FMNL2: variants seen among roughly 807,000 people sequenced by gnomAD.
FMNL2 encodes formin like 2.
A neutral mutation model predicts 130.2 loss-of-function variants in FMNL2; 51 were observed. That is an observed-to-expected ratio of 0.39 (90% CI 0.31 to 0.49). The LOEUF (loss-of-function observed/expected upper bound fraction) is 0.49. Ranked by LOEUF, FMNL2 falls within the 20% of genes least tolerant of loss-of-function variation. FMNL2 has a pLI of 0.85. For synonymous variants in FMNL2, 465 were observed against 467.1 expected, an observed-to-expected ratio of 1.00 and a Z score of 0.06; for missense variants, 977 against 1,316.2, an observed-to-expected ratio of 0.74 and a Z score of 3.99.
chr2:152,540,789 T>C (rs899276781), intron 2 of FMNL2, among the ~76,000 whole-genome samples: 2 of 152,020 alleles, frequency 1.3e-5, no homozygotes, highest in African/African-American at 4.8e-5. Flanking sequence ...CACGTATACA[T>C]ATGTAACTAA....
chr2:152,498,545 A>C (rs1442512903), intron 1 of FMNL2, among the ~76,000 whole-genome samples: 1 of 152,146 alleles, frequency 6.6e-6, no homozygotes, highest in Non-Finnish European at 1.5e-5. Flanking sequence ...CCATGAACTC[A>C]GTCAAATTTC....
intron 7 of FMNL2, among the ~76,000 whole-genome samples, chr2:152,575,560 T>C (rs1171382061): frequency 6.6e-6 from 1 of 152,216 alleles, no homozygotes; most frequent in African/African-American, 2.4e-5. Flanking sequence ...AAGGCCTGGT[T>C]CATCCTAATT....
intron 2 of FMNL2, among the ~76,000 whole-genome samples, chr2:152,533,764 G>T (rs965440684): frequency 1.3e-5 from 2 of 151,774 alleles, no homozygotes; most frequent in African/African-American, 2.4e-5. Context: ...TATTGATTTA[G>T]GTGTTTTTAA....
chr2:152,532,761 C>T (rs867780167), intron 2 of FMNL2, among the ~76,000 whole-genome samples: 51 of 152,084 alleles, frequency 3.4e-4, no homozygotes, highest in African/African-American at 1.2e-3. Context: ...GCATGCACCA[C>T]CATGCCCAGC....
At chr2:152,349,674 A>G (rs1474646860) in intron 1 of FMNL2, among the ~76,000 whole-genome samples, 4 of 152,216 alleles carry the variant, frequency 2.6e-5, no homozygotes, top group African/African-American at 9.6e-5. Flanking sequence ...ACAAGCAACA[A>G]TAAGCAACCC....
At chr2:152,514,189 GA>G (rs1237295016) in intron 1 of FMNL2, among the ~76,000 whole-genome samples, 4 of 152,102 alleles carry the variant, frequency 2.6e-5, no homozygotes, top group African/African-American at 9.7e-5. Flanking sequence ...ATGGTATAAG[GA>G]AAAATGTCAA....
chr2:152,645,845 C>T (rs1683506200), intron 25 of FMNL2, among the ~76,000 whole-genome samples: 1 of 152,140 alleles, frequency 6.6e-6, no homozygotes, highest in African/African-American at 2.4e-5. Flanking sequence ...GAAAGCAGGT[C>T]CTGGCCAGGT....
chr2:152,504,628 C>G (rs1692052177), intron 1 of FMNL2, among the ~76,000 whole-genome samples: 1 of 152,060 alleles, frequency 6.6e-6, no homozygotes, highest in South Asian at 2.1e-4. Flanking sequence ...TATTCATGCT[C>G]AAAATTTTGA....
At chr2:152,623,872 C>T (rs1336104955) in intron 15 of FMNL2, among the ~76,000 whole-genome samples, 1 of 151,810 alleles carries the variant, frequency 6.6e-6, no homozygotes, top group Non-Finnish European at 1.5e-5. Flanking sequence ...CCCATAGTCC[C>T]TTAAAGATAC....
intron 1 of FMNL2, among the ~76,000 whole-genome samples, chr2:152,398,124 C>T (rs553051889): frequency 2.6e-5 from 4 of 151,842 alleles, no homozygotes; most frequent in Non-Finnish European, 4.4e-5. Flanking sequence ...GACTCCATCT[C>T]GAAAAAAAAT....
chr2:152,581,064 A>G lies in FMNL2; in HGVS notation c.876+15A>G, dbSNP rs750490024. ...ACTTTAAAGAGGTAGGCTACACTAT[A>G]GTTTTCATAAGAATACTCACACATC... On this transcript the variant is annotated intron_variant, in intron 9 of 25. Transcript: ENST00000288670. The G allele has an allele frequency of 1.2e-6, 2 of 1,601,880 alleles. No individual in the cohort carries two copies. The highest frequency in any genetic ancestry group is 1.7e-6 in the Non-Finnish European group (2 of 1,171,148).
intron 1 of FMNL2, among the ~76,000 whole-genome samples, chr2:152,360,334 C>T (rs1356012915): frequency 6.6e-6 from 1 of 151,478 alleles, no homozygotes; most frequent in Non-Finnish European, 1.5e-5. Context: ...CTCTTCTCTT[C>T]TCTTCTTTTT....
intron 1 of FMNL2, among the ~76,000 whole-genome samples, chr2:152,416,302 G>A (rs1017655425): frequency 6.6e-6 from 1 of 152,196 alleles, no homozygotes; most frequent in South Asian, 2.1e-4. Flanking sequence ...GGCAGGGAGT[G>A]TGGTGTACTT....
intron 9 of FMNL2, among the ~76,000 whole-genome samples, chr2:152,581,592 C>T (rs145682259): frequency 1.5e-3 from 225 of 152,190 alleles, no homozygotes; most frequent in Non-Finnish European, 2.7e-3. Context: ...GACAATATGA[C>T]GCCGCGGGCC....
chr2:152,522,095 G>GT (rs1480656547), intron 2 of FMNL2, 69 bp downstream of exon 2: 23 of 1,264,296 alleles, frequency 1.8e-5, no homozygotes, highest in Non-Finnish European at 2.5e-5. Flanking sequence ...GAATTTTATG[G>GT]TATGTCAATA....
chr2:152,601,303 C>CTTTTTTTT (rs10567754), intron 9 of FMNL2, among the ~76,000 whole-genome samples: 15 of 134,728 alleles, frequency 1.1e-4, no homozygotes, highest in Non-Finnish European at 1.6e-4. Flanking sequence ...TTTCTTTTTT[C>CTTTTTTTT]TTTTTTTTTT....
chr2:152,398,496 T>C (rs528086698), intron 1 of FMNL2, among the ~76,000 whole-genome samples: 1 of 152,364 alleles, frequency 6.6e-6, no homozygotes, highest in East Asian at 1.9e-4. Flanking sequence ...ATTGGAATTT[T>C]GGATGACTGA....
chr2:152,419,106 G>C (rs1246826172), intron 1 of FMNL2, among the ~76,000 whole-genome samples: 2 of 151,196 alleles, frequency 1.3e-5, no homozygotes, highest in South Asian at 2.1e-4. Flanking sequence ...TTTCATCCTT[G>C]ATCAGTTAAT....
At chr2:152,588,643 T>C (rs1409930809) in intron 9 of FMNL2, among the ~76,000 whole-genome samples, 1 of 152,176 alleles carries the variant, frequency 6.6e-6, no homozygotes. Flanking sequence ...TGTCATTTTA[T>C]ACCAAGAAGG....
Sources: allele counts gnomAD v4.1 joint callset (sites outside exome capture counted in the v4.1 genomes callset), GRCh38; gene constraint gnomAD v4.1.1; transcripts MANE v1.5; gene names NCBI Gene and HGNC (gene_info 2026-07-23, HGNC 2026-07-21).